The following ZBTB20 variants were observed in gnomAD, a reference collection of about 807,000 sequenced individuals.
The protein encoded by ZBTB20 is zinc finger and BTB domain containing 20.
A neutral mutation model predicts 56.9 loss-of-function variants in ZBTB20; 9 were observed. The ratio of observed to expected loss-of-function variants is 0.16; its 90% CI spans 0.10 to 0.28. The LOEUF is 0.28. Among genes scored for constraint, ZBTB20 ranks in the 10% least tolerant of loss-of-function variants. ZBTB20 has a pLI of 1.00. For missense variants in ZBTB20, 655 were observed against 1,003.0 expected (o/e 0.65, Z 4.69); for synonymous variants, 417 against 420.7 (o/e 0.99, Z 0.11).
At chr3:114,681,354 T>G in intron 6 of ZBTB20, among the ~76,000 whole-genome samples, 1 of 151,246 alleles carries the variant, frequency 6.6e-6, no homozygotes, top group East Asian at 2.0e-4. Flanking sequence ...AGAGTTGGGG[T>G]TTTGCCATGT....
chr3:114,753,116 A>AAT (rs1165290249), intron 5 of ZBTB20, among the ~76,000 whole-genome samples: 1 of 151,728 alleles, frequency 6.6e-6, no homozygotes, highest in Non-Finnish European at 1.5e-5. Context: ...TGCATCAAGG[A>AAT]ATACACACAC....
At chr3:114,655,350 T>C (rs1223363962) in intron 6 of ZBTB20, among the ~76,000 whole-genome samples, 1 of 145,830 alleles carries the variant, frequency 6.9e-6, no homozygotes, top group Non-Finnish European at 1.5e-5. Context: ...CTTCCCGGGT[T>C]CACGCCATTC....
intron 5 of ZBTB20, among the ~76,000 whole-genome samples, chr3:114,710,771 A>T (rs2064020784): frequency 6.6e-6 from 1 of 152,182 alleles, no homozygotes. Flanking sequence ...TGTTCTCCAC[A>T]GTGTAGCCCT....
At chr3:114,444,744 A>G (rs1255964628) in intron 7 of ZBTB20, among the ~76,000 whole-genome samples, 1 of 152,080 alleles carries the variant, frequency 6.6e-6, no homozygotes, top group Admixed American at 6.6e-5. Flanking sequence ...ATAAAAATAA[A>G]ACCTTGTTTT....
In ZBTB20 at chr3:114,327,913, T is replaced by C. The variant is rs2079114122; in HGVS notation, c.*11092A>G. The C allele has an allele frequency of 6.6e-6, 1 of 152,142 alleles. No individual in the cohort carries two copies. 9.4% of individuals were successfully genotyped at this position (152,142 alleles called of 1,614,324 possible). A position where few individuals can be genotyped will look rare whatever the true frequency, so the allele number is the denominator to read the frequency against. ...TACGAAGTTGTTGTGAATGTGATAT[T>C]ATAAGCATCCTGAAAAGGATACACC... On this transcript the variant is annotated 3_prime_UTR_variant, in exon 12 of 12. Transcript: ENST00000675478.
At chr3:115,128,275 C>A (rs2084392350) in intron 1 of ZBTB20, among the ~76,000 whole-genome samples, 1 of 152,092 alleles carries the variant, frequency 6.6e-6, no homozygotes. Flanking sequence ...TGATTTATTA[C>A]AATGGATTCA....
intron 6 of ZBTB20, among the ~76,000 whole-genome samples, chr3:114,637,909 C>CT (rs2059361229): frequency 6.6e-6 from 1 of 151,882 alleles, no homozygotes; most frequent in South Asian, 2.1e-4. Flanking sequence ...TTAATTTTTA[C>CT]TTTTTATAGC....
chr3:115,130,771 T>A (rs1321285074), intron 1 of ZBTB20, among the ~76,000 whole-genome samples: 1 of 152,256 alleles, frequency 6.6e-6, no homozygotes, highest in African/African-American at 2.4e-5. Flanking sequence ...TTTTTTTGTT[T>A]GTTTTTTGAG....
At chr3:115,002,579 G>T (rs1260310530) in intron 2 of ZBTB20, among the ~76,000 whole-genome samples, 1 of 151,504 alleles carries the variant, frequency 6.6e-6, no homozygotes, top group Non-Finnish European at 1.5e-5. Flanking sequence ...TGAAAAACCT[G>T]CATAGAAAAT....
At chr3:114,540,156 A>G (rs2048957172) in intron 6 of ZBTB20, among the ~76,000 whole-genome samples, 1 of 152,096 alleles carries the variant, frequency 6.6e-6, no homozygotes, top group South Asian at 2.1e-4. Context: ...AAGTGAGAAC[A>G]TGCGGTATTT....
Position 114,878,176 on chromosome 3 carries a change from C to T in ZBTB20, c.-417+22128G>A, listed in dbSNP as rs142410552. Among the ~76,000 whole-genome samples the T allele has an allele frequency of 2.9e-3, 443 of 152,076 alleles. 3 individuals carry two copies. Among genetic ancestry groups the T allele is most frequent in the African/African-American group, 0.01 (419 of 41,488 alleles). On this transcript the variant is annotated intron_variant, in intron 4 of 11. Coordinates refer to ENST00000675478, the MANE Select transcript of ZBTB20 (RefSeq NM_001348800.3). ...TCTATTATATTTGATAGATTTAATCCCTTTATCTATTTTTGTTTCGTGTCT... is the reference window on the plus strand; with the variant it reads ...TCTATTATATTTGATAGATTTAATCTCTTTATCTATTTTTGTTTCGTGTCT...
At chr3:114,953,119 T>A (rs912106945) in intron 3 of ZBTB20, among the ~76,000 whole-genome samples, 18 of 152,086 alleles carry the variant, frequency 1.2e-4, no homozygotes, top group Non-Finnish European at 2.5e-4. Context: ...GTAAGATTTC[T>A]ACATTCTATT....
chr3:114,643,753 G>C (rs969696463), intron 6 of ZBTB20, among the ~76,000 whole-genome samples: 2 of 152,020 alleles, frequency 1.3e-5, no homozygotes, highest in African/African-American at 4.8e-5. Context: ...ATCTTTGAGT[G>C]TAACAGTCAA....
chr3:114,604,161 T>C (rs1298235654), intron 6 of ZBTB20, among the ~76,000 whole-genome samples: 3 of 152,040 alleles, frequency 2.0e-5, no homozygotes, highest in Admixed American at 2.0e-4. Flanking sequence ...GAATAAACCA[T>C]GATGCATTTA....
intron 11 of ZBTB20, among the ~76,000 whole-genome samples, chr3:114,344,002 T>G (rs2079993430): frequency 6.6e-6 from 1 of 151,376 alleles, no homozygotes; most frequent in South Asian, 2.1e-4. Flanking sequence ...TGAGCAGAGA[T>G]GGCACCACTG....
intron 5 of ZBTB20, among the ~76,000 whole-genome samples, chr3:114,698,372 A>C (rs527990327): frequency 4.6e-5 from 7 of 152,112 alleles, no homozygotes; most frequent in South Asian, 2.1e-4. Flanking sequence ...TTCATAAAGA[A>C]ATTTAAATAA....
chr3:114,920,508 CAT>C lies in ZBTB20; in HGVS notation c.-455-20168_-455-20167del, dbSNP rs200677260. Among the ~76,000 whole-genome samples, 1,162 of 152,184 alleles carry C rather than the reference CAT, an allele frequency of 7.6e-3. 6 individuals are homozygous for C. The highest frequency in any genetic ancestry group is 0.012 in the Non-Finnish European group (847 of 67,982). On this transcript the variant is annotated intron_variant, in intron 3 of 11. Coordinates refer to ENST00000675478, the MANE Select transcript of ZBTB20 (RefSeq NM_001348800.3). The stretch of plus-strand genomic sequence containing the variant: ...AAAATAAAAGTGGAAAAATCACAAA[CAT>C]GTGGCAATTAAATAATACACTTCTT...
chr3:115,143,828 C>A (rs1334497046), intron 1 of ZBTB20, among the ~76,000 whole-genome samples: 1 of 152,142 alleles, frequency 6.6e-6, no homozygotes, highest in African/African-American at 2.4e-5. Flanking sequence ...AAACTAAGAT[C>A]TTTCTTTCCT....
Position 114,323,174 on chromosome 3 carries a change from A to T in ZBTB20, c.*15831T>A, listed in dbSNP as rs887756920. On this transcript the variant is annotated 3_prime_UTR_variant, in exon 12 of 12. Transcript: ENST00000675478. The stretch of plus-strand genomic sequence containing the variant: ...TACTTCTAAGATTAAAAAAGATAAT[A>T]AAAATAAATTTAACAAAGAAAAGTT... 6 of 152,242 alleles carry T rather than the reference A, an allele frequency of 3.9e-5. No homozygotes were observed. Among genetic ancestry groups the T allele is most frequent in the Non-Finnish European group, 7.3e-5 (5 of 68,038 alleles). The allele number at this position is 152,242 out of a possible 1,614,324, so 9.4% of individuals were successfully genotyped here.
Sources: allele counts gnomAD v4.1 joint callset (sites outside exome capture counted in the v4.1 genomes callset), GRCh38; gene constraint gnomAD v4.1.1; transcripts MANE v1.5; gene names NCBI Gene and HGNC (gene_info 2026-07-23, HGNC 2026-07-21).